Variants in SGCZ observed in about 807,000 individuals in gnomAD.
SGCZ encodes the protein zeta-sarcoglycan.
Under a neutral mutation model 41.3 loss-of-function variants are expected in SGCZ, and 40 were observed. The ratio of observed to expected loss-of-function variants is 0.97; its 90% CI spans 0.75 to 1.26. SGCZ has a LOEUF of 1.26. Ranked by LOEUF, SGCZ falls within the 50% of genes most tolerant of loss-of-function variation. The probability of loss-of-function intolerance (pLI) is 0.00; values close to 1 mark genes in which losing one functional copy is unlikely to be tolerated. For synonymous variants in SGCZ, 206 were observed against 137.5 expected (o/e 1.50, Z -3.49); for missense variants, 552 against 369.8 (o/e 1.49, Z -4.04).
intron 2 of SGCZ, among the ~76,000 whole-genome samples, chr8:14,442,313 G>T (rs1260385631): frequency 6.6e-6 from 1 of 152,048 alleles, no homozygotes; most frequent in Non-Finnish European, 1.5e-5. Flanking sequence ...TTTATAAAAG[G>T]GAGTTCCCTT....
chr8:14,225,138 C>G (rs565696455), intron 4 of SGCZ, among the ~76,000 whole-genome samples: 210 of 152,186 alleles, frequency 1.4e-3, no homozygotes, highest in African/African-American at 4.8e-3. Flanking sequence ...TTGCATTCAT[C>G]TCTTTCCTCT....
At chr8:14,310,998 A>G (rs1801523299) in intron 3 of SGCZ, among the ~76,000 whole-genome samples, 1 of 152,116 alleles carries the variant, frequency 6.6e-6, no homozygotes, top group South Asian at 2.1e-4. Flanking sequence ...GTTTGAGACT[A>G]TTGCTTCACA....
chr8:15,091,717 T>C lies in SGCZ; in HGVS notation c.39+145868A>G, dbSNP rs114537759. ...CTGAGACCCATTGTTATAGACATTA[T>C]AGCAAAAGTTCAATAAGAGGACTCC... On this transcript the variant is annotated intron_variant, in intron 1 of 7. Coordinates refer to ENST00000382080, the MANE Select transcript of SGCZ (RefSeq NM_139167.4). Among the ~76,000 whole-genome samples the C allele has an allele frequency of 5.1e-3, 770 of 152,270 alleles. 5 individuals carry two copies. Among genetic ancestry groups the C allele is most frequent in the African/African-American group, 0.018 (727 of 41,542 alleles).
chr8:15,158,667 G>C (rs935118102), intron 1 of SGCZ, among the ~76,000 whole-genome samples: 5 of 152,060 alleles, frequency 3.3e-5, no homozygotes, highest in Non-Finnish European at 5.9e-5. Flanking sequence ...AAAATATCTG[G>C]GTAGGTTCTT....
intron 1 of SGCZ, among the ~76,000 whole-genome samples, chr8:14,667,054 C>CAT (rs372496637): frequency 7.9e-5 from 12 of 151,846 alleles, no homozygotes; most frequent in South Asian, 2.1e-4. Context: ...TAGAGAGAGA[C>CAT]ATATATATAT....
At chr8:14,531,681 T>C (rs1233037007) in intron 2 of SGCZ, among the ~76,000 whole-genome samples, 2 of 152,064 alleles carry the variant, frequency 1.3e-5, no homozygotes, top group Non-Finnish European at 2.9e-5. Flanking sequence ...CTTAATAGAT[T>C]CTTCTCTCTT....
In SGCZ at chr8:14,989,425, G is replaced by C. The variant is rs1801932341; in HGVS notation, c.39+248160C>G. Among the ~76,000 whole-genome samples, 3 of 152,070 alleles carry C rather than the reference G, an allele frequency of 2.0e-5. No individual in the cohort carries two copies. The South Asian group carries it at 6.2e-4, about 32-fold the overall frequency. On this transcript the variant is annotated intron_variant, in intron 1 of 7. Coordinates refer to ENST00000382080, the MANE Select transcript of SGCZ (RefSeq NM_139167.4). ...TGCTTGAGCCCAGGAAGTCAAGGCT[G>C]CAGTGAGCTACGATCACACCACTGC...
At chr8:14,270,358 A>T (rs1800017041) in intron 3 of SGCZ, among the ~76,000 whole-genome samples, 1 of 152,024 alleles carries the variant, frequency 6.6e-6, no homozygotes, top group Admixed American at 6.6e-5. Flanking sequence ...AAAAAATTAA[A>T]TCTAAACGAT....
At chr8:14,400,915 G>A (rs1054517482) in intron 2 of SGCZ, among the ~76,000 whole-genome samples, 1 of 152,078 alleles carries the variant, frequency 6.6e-6, no homozygotes, top group African/African-American at 2.4e-5. Flanking sequence ...TAAGTGTTGT[G>A]GTTGTGTTTC....
intron 1 of SGCZ, among the ~76,000 whole-genome samples, chr8:14,879,993 A>G (rs1458541432): frequency 2.0e-5 from 3 of 151,990 alleles, no homozygotes; most frequent in African/African-American, 7.2e-5. Flanking sequence ...GGTTTGCACC[A>G]CCACACCCGG....
chr8:14,334,727 C>T (rs980747839), intron 2 of SGCZ, among the ~76,000 whole-genome samples: 3 of 152,072 alleles, frequency 2.0e-5, no homozygotes, highest in East Asian at 1.9e-4. Context: ...TTATAAAGTC[C>T]TCCATGAAAA....
At chr8:14,391,160 G>A (rs1009624428) in intron 2 of SGCZ, among the ~76,000 whole-genome samples, 2 of 152,076 alleles carry the variant, frequency 1.3e-5, no homozygotes, top group African/African-American at 2.4e-5. Flanking sequence ...AAAATGGATT[G>A]ATGTAATGCC....
At chr8:15,118,266 A>C (rs1807344180) in intron 1 of SGCZ, among the ~76,000 whole-genome samples, 1 of 152,230 alleles carries the variant, frequency 6.6e-6, no homozygotes, top group Non-Finnish European at 1.5e-5. Context: ...TGAGCAGGGC[A>C]AAGATTTGAG....
chr8:15,055,818 G>A (rs1192150445), intron 1 of SGCZ, among the ~76,000 whole-genome samples: 1 of 152,136 alleles, frequency 6.6e-6, no homozygotes, highest in South Asian at 2.1e-4. Context: ...TTTCATCCAC[G>A]AACCCAGCCT....
intron 2 of SGCZ, among the ~76,000 whole-genome samples, chr8:14,455,858 G>A (rs1800728356): frequency 6.6e-6 from 1 of 152,294 alleles, no homozygotes; most frequent in African/African-American, 2.4e-5. Flanking sequence ...ACAAAAGAGT[G>A]TTTGCAGTAT....
At chr8:14,183,396 G>T (rs760075717) in intron 4 of SGCZ, among the ~76,000 whole-genome samples, 16 of 152,152 alleles carry the variant, frequency 1.1e-4, no homozygotes, top group Admixed American at 1.0e-3. Flanking sequence ...CTCTCCAACA[G>T]ATTTCATGAG....
chr8:14,800,604 T>C (rs1176285805), intron 1 of SGCZ, among the ~76,000 whole-genome samples: 2 of 152,054 alleles, frequency 1.3e-5, no homozygotes, highest in Non-Finnish European at 2.9e-5. Flanking sequence ...TCCCAGGAGA[T>C]CTGGTTCTTT....
At chr8:14,589,188 T>TA (rs1303916455) in intron 1 of SGCZ, among the ~76,000 whole-genome samples, 21 of 151,286 alleles carry the variant, frequency 1.4e-4, no homozygotes, top group Admixed American at 4.6e-4. Flanking sequence ...ATAAATATAA[T>TA]AAAAAAAACG....
chr8:14,220,077 T>C (rs4313160), intron 4 of SGCZ, among the ~76,000 whole-genome samples: 107,585 of 152,106 alleles, frequency 0.71, 38,819 homozygotes, highest in African/African-American at 0.83. Context: ...GCAATTACTA[T>C]TGCATCAACC....
Sources: allele counts gnomAD v4.1 joint callset (sites outside exome capture counted in the v4.1 genomes callset), GRCh38; gene constraint gnomAD v4.1.1; transcripts MANE v1.5; gene names NCBI Gene and HGNC (gene_info 2026-07-23, HGNC 2026-07-21).